SSUH2: variants seen among roughly 807,000 people sequenced by gnomAD.
SSUH2 encodes the protein ssu-2 homolog, also known as protein SSUH2 homolog.
A neutral mutation model predicts 55.3 loss-of-function variants in SSUH2; 47 were observed. The observed-to-expected ratio is 0.85, with a 90% CI of 0.67 to 1.08. The LOEUF (loss-of-function observed/expected upper bound fraction) is 1.08. SSUH2 is among the 50% of genes least tolerant of loss of function. SSUH2 has a pLI of 0.00. For synonymous variants in SSUH2, 212 were observed against 191.5 expected, an observed-to-expected ratio of 1.11 and a Z score of -0.89; for missense variants, 535 against 490.7, an observed-to-expected ratio of 1.09 and a Z score of -0.85.
At chr3:8,644,424 T>C (rs1415829496) in intron 1 of SSUH2, among the ~76,000 whole-genome samples, 1 of 152,140 alleles carries the variant, frequency 6.6e-6, no homozygotes, top group East Asian at 1.9e-4. Flanking sequence ...AGTTCTCAAT[T>C]TCATCTTTCA....
At chr3:8,670,800 T>A (rs115712765) in intron 5 of SSUH2, among the ~76,000 whole-genome samples, 125 of 152,196 alleles carry the variant, frequency 8.2e-4, no homozygotes, top group Non-Finnish European at 1.4e-3. Flanking sequence ...TCACAGGGTA[T>A]ACATCCCCTT....
rs1312613349 is a variant in SSUH2 at position 8,638,772 on chromosome 3, A to G, written c.29-2915T>C. 2.6e-5 allele frequency among the ~76,000 whole-genome samples: 4 copies of G among 152,208 alleles called. No homozygotes were observed. The East Asian group carries it at 5.8e-4, about 22-fold the overall frequency. The stretch of plus-strand genomic sequence containing the variant: ...CCCTTTCTTTGTGCTCATTTAAGCC[A>G]GAAGACAACAGTGAAAATATCAAGC... On this transcript the variant is annotated intron_variant, in intron 1 of 11. Coordinates refer to ENST00000544814, the MANE Select transcript of SSUH2 (RefSeq NM_001256748.3).
chr3:8,634,152 G>T, intron 3 of SSUH2: 1 of 658,274 alleles, frequency 1.5e-6, no homozygotes, highest in Non-Finnish European at 2.5e-6. Context: ...CAGTTAAAAG[G>T]AGGCAGAGAC....
chr3:8,622,257 C>T (rs1047595296), intron 11 of SSUH2, among the ~76,000 whole-genome samples: 3 of 152,154 alleles, frequency 2.0e-5, no homozygotes, highest in African/African-American at 4.8e-5. Flanking sequence ...GAAGTGACCT[C>T]CACTCCCATT....
Position 8,681,687 on chromosome 3 carries a change from G to A in SSUH2, c.-1046+204C>T, listed in dbSNP as rs150817047. On this transcript the variant is annotated intron_variant, in intron 1 of 18. Coordinates refer to the SSUH2 transcript ENST00000317371. Reference sequence around the variant, plus strand: ...CTGAAAGTCAGCCCCTCTTCCCCCCGGCTCTTAGGACCCCCATCGCAGCGG... The same window carrying A: ...CTGAAAGTCAGCCCCTCTTCCCCCCAGCTCTTAGGACCCCCATCGCAGCGG... Among the ~76,000 whole-genome samples the A allele has an allele frequency of 6.0e-3, 825 of 137,248 alleles. 5 individuals are homozygous for A. Among genetic ancestry groups the A allele is most frequent in the Middle Eastern group, 0.014 (3 of 216 alleles). The allele number at this position is 137,248 out of a possible 152,430, so 90.0% of individuals were successfully genotyped here.
intron 6 of SSUH2, among the ~76,000 whole-genome samples, chr3:8,663,040 C>T (rs767488185): frequency 6.6e-6 from 1 of 152,224 alleles, no homozygotes; most frequent in Non-Finnish European, 1.5e-5. Context: ...TGGAAGATCA[C>T]AGTGGCATTA....
At chr3:8,661,696 G>C (rs1358871960) in intron 6 of SSUH2, among the ~76,000 whole-genome samples, 1 of 152,210 alleles carries the variant, frequency 6.6e-6, no homozygotes, top group Non-Finnish European at 1.5e-5. Flanking sequence ...CATGAAGAGG[G>C]CCAGGTAATA....
chr3:8,623,552 C>T lies in SSUH2; in HGVS notation c.978G>A (p.Gln326=), dbSNP rs917251182. The T allele has an allele frequency of 4.5e-6, 7 of 1,546,152 alleles. No individual in the cohort carries two copies. Among genetic ancestry groups the T allele is most frequent in the African/African-American group, 1.4e-5 (1 of 72,964 alleles). ...TGGCCCCTCCGCCCTGGCTCACCTG[C>T]TGCAGGACGCGGGCACGGGAGGCCA... ...AALASRARVL[Q]QRQTIELIPL... Residue 326 remains glutamine (Q), a synonymous_variant, in exon 11 of 12, where the codon CAG becomes CAA. Coordinates refer to ENST00000544814, the MANE Select transcript of SSUH2 (RefSeq NM_001256748.3).
At chr3:8,630,074 A>G (rs767434298) in intron 6 of SSUH2, among the ~76,000 whole-genome samples, 24 of 152,240 alleles carry the variant, frequency 1.6e-4, no homozygotes, top group Non-Finnish European at 3.4e-4. Context: ...TTGGGAACAG[A>G]AGCCATTAAA....
chr3:8,623,134 C>T (rs1052901811), intron 11 of SSUH2, among the ~76,000 whole-genome samples: 2 of 152,156 alleles, frequency 1.3e-5, no homozygotes, highest in African/African-American at 4.8e-5. Context: ...CCACAGAGGC[C>T]AGGAGAAGAC....
chr3:8,673,103 AT>A (rs1314787341), intron 3 of SSUH2, among the ~76,000 whole-genome samples: 1 of 152,018 alleles, frequency 6.6e-6, no homozygotes, highest in Non-Finnish European at 1.5e-5. Flanking sequence ...TGTTCAGATT[AT>A]TAATATTAAT....
intron 6 of SSUH2, among the ~76,000 whole-genome samples, chr3:8,660,861 A>G (rs148961149): frequency 1.3e-5 from 2 of 152,318 alleles, no homozygotes; most frequent in African/African-American, 4.8e-5. Context: ...AAAATAAACA[A>G]TCCTCCTGTT....
At chr3:8,633,614 C>T (rs1218388143) in intron 4 of SSUH2, 52 bp downstream of exon 4, 24 of 1,440,008 alleles carry the variant, frequency 1.7e-5, no homozygotes, top group South Asian at 2.9e-5. Flanking sequence ...TCCCAAAGCC[C>T]CCAGCTCCCC....
At chr3:8,669,740 TC>T (rs151145987) in intron 5 of SSUH2, among the ~76,000 whole-genome samples, 2,683 of 152,204 alleles carry the variant, frequency 0.018, 62 homozygotes, top group African/African-American at 0.059. Context: ...TCTCAATCTA[TC>T]AAAGCATGAG....
At chr3:8,657,422 C>T (rs1703046008) in intron 7 of SSUH2, among the ~76,000 whole-genome samples, 1 of 152,178 alleles carries the variant, frequency 6.6e-6, no homozygotes, top group Non-Finnish European at 1.5e-5. Context: ...CCTCAAGCAG[C>T]TTTCAACCCA....
chr3:8,670,749 G>A (rs540725493), intron 5 of SSUH2, among the ~76,000 whole-genome samples: 1 of 152,120 alleles, frequency 6.6e-6, no homozygotes, highest in Non-Finnish European at 1.5e-5. Context: ...CAGGCATTGT[G>A]ACATTAGTAG....
chr3:8,619,627 T>C lies in SSUH2; in HGVS notation c.*241A>G. The C allele has an allele frequency of 2.6e-6, 1 of 386,052 alleles. No individual in the cohort carries two copies. Among genetic ancestry groups the C allele is most frequent in the Non-Finnish European group, 4.6e-6 (1 of 219,664 alleles). The allele number at this position is 386,052 out of a possible 1,614,324, so 23.9% of individuals were successfully genotyped here. ...CTTGCCATTTAAATTATTTCTCTCA[T>C]TTGTTCTACAGGAATGTGTATAGCT... On this transcript the variant is annotated 3_prime_UTR_variant, in exon 12 of 12. Transcript: ENST00000544814.
At chr3:8,652,953 C>T (rs958484496) in intron 7 of SSUH2, among the ~76,000 whole-genome samples, 3 of 152,330 alleles carry the variant, frequency 2.0e-5, no homozygotes, top group East Asian at 3.9e-4. Context: ...GGGGAGGAGA[C>T]TGGGCTCCTC....
chr3:8,634,008 C>CA, intron 3 of SSUH2: 1 of 1,520,812 alleles, frequency 6.6e-7, no homozygotes. Flanking sequence ...AGAGAACAGC[C>CA]AAAAACACTT....
Sources: allele counts gnomAD v4.1 joint callset (sites outside exome capture counted in the v4.1 genomes callset), GRCh38; gene constraint gnomAD v4.1.1; transcripts MANE v1.5; gene names NCBI Gene and HGNC (gene_info 2026-07-23, HGNC 2026-07-21).